FUT8: variants seen among roughly 807,000 people sequenced by gnomAD.
FUT8 encodes alpha-(1,6)-fucosyltransferase.
FUT8 carries 29 observed loss-of-function variants against 71.3 expected under a neutral mutation model. That is an observed-to-expected ratio of 0.41 (90% CI 0.30 to 0.55). The LOEUF (loss-of-function observed/expected upper bound fraction) is 0.55. FUT8 is among the 20% of genes least tolerant of loss of function. The pLI is 0.34. For synonymous variants in FUT8, 254 were observed against 239.3 expected (o/e 1.06, Z -0.57); for missense variants, 544 against 702.1 (o/e 0.77, Z 2.55).
chr14:65,492,823 T>C (rs1403223835), intron 2 of FUT8, among the ~76,000 whole-genome samples: 1 of 152,178 alleles, frequency 6.6e-6, no homozygotes, highest in Non-Finnish European at 1.5e-5. Flanking sequence ...GGCAAAGAGT[T>C]ACCCACCTGA....
chr14:65,614,111 C>CAAAA (rs33994378), intron 3 of FUT8, among the ~76,000 whole-genome samples: 1 of 134,452 alleles, frequency 7.4e-6, no homozygotes, highest in Non-Finnish European at 1.6e-5. Context: ...GAGACTGTGT[C>CAAAA]AAAAAAAAAA....
At chr14:65,493,070 T>A (rs567877132) in intron 2 of FUT8, among the ~76,000 whole-genome samples, 54 of 152,126 alleles carry the variant, frequency 3.5e-4, no homozygotes, top group Non-Finnish European at 7.8e-4. Context: ...CGTGAATCAG[T>A]GGCCAAGTCA....
chr14:65,616,344 A>C lies in FUT8; in HGVS notation c.453A>C (p.Glu151Asp). 1 of 1,606,354 alleles carries C rather than the reference A, an allele frequency of 6.2e-7. No individual in the cohort carries two copies. The highest frequency in any genetic ancestry group is 8.5e-7 in the Non-Finnish European group (1 of 1,177,396). The change falls in exon 5 of 11, where the codon GAA (glutamate) becomes GAC (aspartate). Residue 151 changes from glutamate to aspartate, a missense_variant. Transcript: ENST00000673929. Reference protein sequence around the residue: ...EGNELQRHADEFLLDLGHHER... With the variant: ...EGNELQRHADDFLLDLGHHER... The stretch of plus-strand genomic sequence containing the variant: ...ATGAACTCCAAAGACATGCAGATGA[A>C]TTTCTTTTGGATTTAGGACATCATG...
At chr14:65,518,446 C>A (rs1566797406) in intron 2 of FUT8, among the ~76,000 whole-genome samples, 1 of 152,162 alleles carries the variant, frequency 6.6e-6, no homozygotes, top group Non-Finnish European at 1.5e-5. Flanking sequence ...TCATAGCCTA[C>A]AGCCTATGAA....
chr14:65,357,097 C>T, the FUT8 span, among the ~76,000 whole-genome samples: 1 of 152,216 alleles, frequency 6.6e-6, no homozygotes, highest in Admixed American at 6.5e-5. Flanking sequence ...GGTGTGTGAC[C>T]TTGGGCATTT....
chr14:65,636,690 T>C (rs1186205906), intron 6 of FUT8: 1 of 152,156 alleles, frequency 6.6e-6, no homozygotes, highest in African/African-American at 2.4e-5. Context: ...TAGTTTACAG[T>C]CATATATAGC....
chr14:65,530,332 T>C (rs1883856489), intron 2 of FUT8, among the ~76,000 whole-genome samples: 3 of 152,220 alleles, frequency 2.0e-5, no homozygotes, highest in Non-Finnish European at 1.5e-5. Flanking sequence ...GAAATCAGTT[T>C]TGAGCTGATT....
intron 6 of FUT8, among the ~76,000 whole-genome samples, chr14:65,639,231 A>G (rs1266600628): frequency 1.3e-5 from 2 of 152,152 alleles, no homozygotes; most frequent in East Asian, 1.9e-4. Context: ...GGCTGGTGAT[A>G]GGAAGTAAAG....
intron 7 of FUT8, among the ~76,000 whole-genome samples, chr14:65,676,705 C>G (rs1892734244): frequency 6.7e-6 from 1 of 149,404 alleles, no homozygotes; most frequent in Admixed American, 6.8e-5. Context: ...CTTTGAGTCT[C>G]AGTCACAGTT....
At chr14:65,569,544 C>T (rs1275141396) in intron 3 of FUT8, among the ~76,000 whole-genome samples, 1 of 151,748 alleles carries the variant, frequency 6.6e-6, no homozygotes, top group African/African-American at 2.4e-5. Context: ...CTAGAATACT[C>T]ACTTGATTCT....
intron 7 of FUT8, among the ~76,000 whole-genome samples, chr14:65,709,518 C>T (rs1894714809): frequency 6.6e-6 from 1 of 152,210 alleles, no homozygotes; most frequent in South Asian, 2.1e-4. Context: ...TTCTCTAACA[C>T]TGGATAATTG....
At chr14:65,717,302 G>A (rs1268260962) in intron 7 of FUT8, among the ~76,000 whole-genome samples, 3 of 114,710 alleles carry the variant, frequency 2.6e-5, no homozygotes, top group Non-Finnish European at 5.4e-5. Flanking sequence ...GACGATGGGC[G>A]GCCGGGCAGA....
chr14:65,471,495 C>A (rs1053880717), intron 2 of FUT8, among the ~76,000 whole-genome samples: 11 of 152,068 alleles, frequency 7.2e-5, no homozygotes, highest in East Asian at 5.8e-4. Flanking sequence ...AGGTAAAACT[C>A]AGGAAAGTAT....
At chr14:65,421,494 C>T (rs929940222) in intron 1 of FUT8, among the ~76,000 whole-genome samples, 1 of 152,140 alleles carries the variant, frequency 6.6e-6, no homozygotes, top group Non-Finnish European at 1.5e-5. Flanking sequence ...CCTTCTTCCA[C>T]CGTTTGCTTT....
At chr14:65,406,452 A>G (rs1488927873), upstream of FUT8, among the ~76,000 whole-genome samples, 2 of 152,220 alleles carry the variant, frequency 1.3e-5, no homozygotes, top group Admixed American at 1.3e-4. Context: ...CCGCAAGGAG[A>G]CAGGAAGATA....
chr14:65,585,366 TTG>T (rs768536109), intron 3 of FUT8, among the ~76,000 whole-genome samples: 11 of 152,214 alleles, frequency 7.2e-5, no homozygotes, highest in South Asian at 4.2e-4. Flanking sequence ...TTTAAATTTT[TTG>T]TACAGGCAGG....
chr14:65,656,454 C>T (rs1891686435), intron 6 of FUT8, among the ~76,000 whole-genome samples: 1 of 151,982 alleles, frequency 6.6e-6, no homozygotes, highest in Non-Finnish European at 1.5e-5. Context: ...ACAATGCAAA[C>T]TATAAAACAT....
At chr14:65,425,169 CT>C (rs869280083) in intron 1 of FUT8, among the ~76,000 whole-genome samples, 394 of 143,556 alleles carry the variant, frequency 2.7e-3, no homozygotes, top group Non-Finnish European at 3.4e-3. Context: ...AATGGAGTTT[CT>C]TTTTTTTTTT....
At chr14:65,444,005 A>G (rs2065701416) in intron 1 of FUT8, among the ~76,000 whole-genome samples, 1 of 152,226 alleles carries the variant, frequency 6.6e-6, no homozygotes, top group African/African-American at 2.4e-5. Flanking sequence ...AAACAAATTG[A>G]AAATATTTGC....
Sources: allele counts gnomAD v4.1 joint callset (sites outside exome capture counted in the v4.1 genomes callset), GRCh38; gene constraint gnomAD v4.1.1; transcripts MANE v1.5; gene names NCBI Gene and HGNC (gene_info 2026-07-23, HGNC 2026-07-21).